The following DDX24 variants were observed in gnomAD, a reference collection of about 807,000 sequenced individuals.
The protein encoded by DDX24 is DEAD-box helicase 24.
A neutral mutation model predicts 68.9 loss-of-function variants in DDX24; 24 were observed. That is an observed-to-expected ratio of 0.35 (90% CI 0.25 to 0.49). The LOEUF (loss-of-function observed/expected upper bound fraction) is 0.49. Among genes scored for constraint, DDX24 ranks in the 20% least tolerant of loss-of-function variants. The pLI is 0.99. For synonymous variants in DDX24, 395 were observed against 385.2 expected (o/e 1.03, Z -0.30); for missense variants, 989 against 1,039.0 (o/e 0.95, Z 0.66).
intron 1 of DDX24, among the ~76,000 whole-genome samples, chr14:94,080,718 A>C (rs55984415): frequency 0.18 from 27,346 of 151,858 alleles, 2,756 homozygotes; most frequent in East Asian, 0.34. Flanking sequence ...AACAAACAAA[A>C]AAAAACACAA....
intron 2 of DDX24, among the ~76,000 whole-genome samples, chr14:94,069,782 G>GA (rs1885791697): frequency 6.6e-6 from 1 of 152,138 alleles, no homozygotes; most frequent in Non-Finnish European, 1.5e-5. Context: ...AATAGATGGA[G>GA]AAAAAGCATT....
At chr14:94,073,397 C>T (rs1885872797) in intron 2 of DDX24, among the ~76,000 whole-genome samples, 1 of 152,110 alleles carries the variant, frequency 6.6e-6, no homozygotes. Context: ...AATAATTCAA[C>T]TCAAAGACAC....
chr14:94,051,187 C>CCACGG lies in DDX24; in HGVS notation c.*3_*4insCCGTG, dbSNP rs112814907. On this transcript the variant is annotated 3_prime_UTR_variant, in exon 9 of 9. Coordinates refer to ENST00000621632, the MANE Select transcript of DDX24 (RefSeq NM_020414.4). ...AATGTGCAGTCACTGACACACTTGACCAGTTAATTTGCACTTGTACTTGGC... is the reference window on the plus strand; with the variant it reads ...AATGTGCAGTCACTGACACACTTGACCACGGCAGTTAATTTGCACTTGTACTTGGC... 506,060 of 1,526,658 alleles carry CCACGG rather than the reference C, an allele frequency of 0.33. 84,958 individuals carry two copies. The highest frequency in any genetic ancestry group is 0.41 in the Admixed American group (19,011 of 46,252). 94.6% of individuals were successfully genotyped at this position (1,526,658 alleles called of 1,614,324 possible). A position where few individuals can be genotyped will look rare whatever the true frequency, so the allele number is the denominator to read the frequency against.
intron 2 of DDX24, among the ~76,000 whole-genome samples, chr14:94,068,527 A>C (rs1280336969): frequency 6.6e-6 from 1 of 152,228 alleles, no homozygotes; most frequent in Non-Finnish European, 1.5e-5. Flanking sequence ...ACAGATATAT[A>C]CAGAACATTT....
chr14:94,070,014 G>C (rs1411178774), intron 2 of DDX24, among the ~76,000 whole-genome samples: 1 of 152,072 alleles, frequency 6.6e-6, no homozygotes, highest in Non-Finnish European at 1.5e-5. Flanking sequence ...CCTAGCCAGA[G>C]CAATAAGACA....
intron 2 of DDX24, among the ~76,000 whole-genome samples, chr14:94,073,876 T>C (rs930893608): frequency 1.3e-4 from 20 of 151,792 alleles, no homozygotes; most frequent in African/African-American, 4.8e-4. Context: ...ACCCTGTCTC[T>C]ACTAAAAATA....
In DDX24 at chr14:94,053,811, T is replaced by C. The variant is rs563678445; in HGVS notation, c.2179-684A>G. 7.9e-5 allele frequency among the ~76,000 whole-genome samples: 12 copies of C among 151,940 alleles called. No individual in the cohort carries two copies. The South Asian group carries it at 2.5e-3, about 32-fold the overall frequency. ...TCTGGGCAACATGAGCAAAGCTCCG[T>C]CTCAAAAAAAAATTAAAAATTAAAA... On this transcript the variant is annotated intron_variant, in intron 7 of 8. Transcript: ENST00000621632.
intron 2 of DDX24, among the ~76,000 whole-genome samples, chr14:94,065,867 C>T (rs1885694970): frequency 6.6e-6 from 1 of 152,342 alleles, no homozygotes; most frequent in African/African-American, 2.4e-5. Flanking sequence ...GGTCCCCAAG[C>T]AGCCCATTCC....
At position 94,060,848 on chromosome 14, in the gene DDX24, C is replaced by T; in HGVS notation, c.1397+65G>A. 1.9e-6 allele frequency: 3 copies of T among 1,591,172 alleles called. No individual in the cohort carries two copies. In the Admixed American group the frequency reaches 5.1e-5, roughly 27 times the overall value. On this transcript the variant is annotated intron_variant, in intron 4 of 8. Coordinates refer to ENST00000621632, the MANE Select transcript of DDX24 (RefSeq NM_020414.4). ...CGATGAGAAGAAGGCATTGCCCACACCATGTCACCTAAGGCTCATTTCAGA... is the reference window on the plus strand; with the variant it reads ...CGATGAGAAGAAGGCATTGCCCACATCATGTCACCTAAGGCTCATTTCAGA...
chr14:94,074,001 C>T (rs1041776003), intron 2 of DDX24, among the ~76,000 whole-genome samples: 7 of 150,466 alleles, frequency 4.7e-5, no homozygotes, highest in African/African-American at 1.7e-4. Flanking sequence ...TGAGATCGCA[C>T]CACTGCACTC....
intron 2 of DDX24, among the ~76,000 whole-genome samples, chr14:94,070,823 C>A (rs1307174111): frequency 6.6e-6 from 1 of 152,196 alleles, no homozygotes; most frequent in Non-Finnish European, 1.5e-5. Flanking sequence ...GAGAATGAAA[C>A]TGGATCCTCA....
Position 94,079,297 on chromosome 14 carries a change from T to C in DDX24, c.446A>G (p.Gln149Arg). Residue 149 changes from glutamine (Q) to arginine (R), a missense_variant, in exon 2 of 9, where the codon CAA (glutamine) becomes CGA (arginine). Gln to Arg is a conservative substitution (Grantham distance 43). Transcript: ENST00000621632. Reference sequence around the variant, plus strand: ...ATTTTTCTTCTTTTTTGGAGCAGTTTGGACCAGGTTTTCTGATGTCATCTC... The same window carrying C: ...ATTTTTCTTCTTTTTTGGAGCAGTTCGGACCAGGTTTTCTGATGTCATCTC... Reference protein sequence around the residue: ...AGEMTSENLVQTAPKKKKNKG... With the variant: ...AGEMTSENLVRTAPKKKKNKG... 4 of 1,614,198 alleles carry C rather than the reference T, an allele frequency of 2.5e-6. No homozygotes were observed. The highest frequency in any genetic ancestry group is 1.3e-5 in the African/African-American group (1 of 75,034).
intron 2 of DDX24, among the ~76,000 whole-genome samples, chr14:94,070,554 C>T (rs1485116074): frequency 6.6e-6 from 1 of 152,112 alleles, no homozygotes; most frequent in Non-Finnish European, 1.5e-5. Context: ...ATAGCCAAAA[C>T]AAGACTAAGC....
rs1231849689 is a variant in DDX24, at chr14:94,062,340, C to T, written c.1000G>A (p.Asp334Asn). 6.2e-7 allele frequency: 1 copy of T among 1,614,238 alleles called. No homozygotes were observed. The highest frequency in any genetic ancestry group is 1.7e-5 in the Admixed American group (1 of 60,034). ...GAAGGCCCTTCACCAGCATCATCGTCACCAAAGAGCAACGCCTGGTCTGAG... is the reference window on the plus strand; with the variant it reads ...GAAGGCCCTTCACCAGCATCATCGTTACCAAAGAGCAACGCCTGGTCTGAG... ...TVSDQALLFG[D>N]DDAGEGPSSL... is the part of the protein sequence containing the mutation. Residue 334 changes from aspartate (D) to asparagine (N), a missense_variant, in exon 3 of 9, where the codon GAC becomes AAC. Around this residue, in one of 3 missense-constraint regions of DDX24, gnomAD observed 691 missense variants for 760.0 expected, o/e 0.91. Transcript: ENST00000621632.
Position 94,060,169 on chromosome 14 carries a change from G to C in DDX24, c.1842C>G (p.Pro614=). The change falls in exon 5 of 9, where the codon CCC becomes CCG. Residue 614 remains proline (P), a synonymous_variant. Transcript: ENST00000621632. Reference sequence around the variant, plus strand: ...GGTGCATACAGGCATGCAGGGTCAAGGGCATGATATCAAGGACTTTGAGGA... The same window carrying C: ...GGTGCATACAGGCATGCAGGGTCAACGGCATGATATCAAGGACTTTGAGGA... ...SGLLKVLDIM[P]LTLHACMHQK... The C allele has an allele frequency of 6.2e-7, 1 of 1,614,222 alleles. No individual in the cohort carries two copies. Among genetic ancestry groups the C allele is most frequent in the Non-Finnish European group, 8.5e-7 (1 of 1,180,042 alleles).
rs185106821 is a variant in DDX24 at position 94,069,620 on chromosome 14, C to G, written c.719-6999G>C. 2.8e-3 allele frequency among the ~76,000 whole-genome samples: 429 copies of G among 152,278 alleles called. 3 individuals carry two copies. The highest frequency in any genetic ancestry group is 9.9e-3 in the African/African-American group (411 of 41,556). ...AGATCCTAAAATCCTTAACAAAATA[C>G]TAGCTAACCAAATCCAACAACATAT... On this transcript the variant is annotated intron_variant, in intron 2 of 8. Transcript: ENST00000621632.
intron 2 of DDX24, among the ~76,000 whole-genome samples, chr14:94,066,164 T>C (rs891157359): frequency 1.3e-5 from 2 of 152,084 alleles, no homozygotes; most frequent in African/African-American, 4.8e-5. Context: ...GAGGACACGG[T>C]GGGAGTAAGA....
chr14:94,057,557 A>G lies in DDX24; in HGVS notation c.1989+265T>C, dbSNP rs1365020862. The G allele has an allele frequency of 3.4e-5, 15 of 441,480 alleles. No individual in the cohort carries two copies. The South Asian group carries it at 5.5e-4, about 16-fold the overall frequency. 27.3% of individuals were successfully genotyped at this position (441,480 alleles called of 1,614,324 possible). A position where few individuals can be genotyped will look rare whatever the true frequency, so the allele number is the denominator to read the frequency against. On this transcript the variant is annotated intron_variant, in intron 6 of 8. Transcript: ENST00000621632. The stretch of plus-strand genomic sequence containing the variant: ...CCAATTACATGCTTAACTTATGCCC[A>G]TTTCACAGAAAAAACTAAGACTCTA...
chr14:94,079,573 T>C lies in DDX24; in HGVS notation c.170A>G (p.Gln57Arg), dbSNP rs368793373. ...GGGATTCTTGGCAGGGGAGACCAACTGGTAATCTGTCAATTCCTCAAAGCA... is the reference window on the plus strand; with the variant it reads ...GGGATTCTTGGCAGGGGAGACCAACCGGTAATCTGTCAATTCCTCAAAGCA... ...LVCFEELTDY[Q>R]LVSPAKNPSS... The change falls in exon 2 of 9, where the codon CAG (glutamine) becomes CGG (arginine). Residue 57 changes from glutamine to arginine, a missense_variant. Gln to Arg is a conservative substitution (Grantham distance 43, BLOSUM62 1). This residue lies in a region of DDX24 where 295 missense variants were observed against 263.0 expected (regional missense o/e 1.12). Coordinates refer to ENST00000621632, the MANE Select transcript of DDX24 (RefSeq NM_020414.4). 5 of 1,614,200 alleles carry C rather than the reference T, an allele frequency of 3.1e-6. No individual in the cohort carries two copies. The highest frequency in any genetic ancestry group is 4.2e-6 in the Non-Finnish European group (5 of 1,180,040).
Sources: gnomAD v4.1 joint callset for allele counts (sites outside exome capture counted in the v4.1 genomes callset) on GRCh38, gnomAD v4.1.1 for gene constraint, gnomAD v4.1.1 regional missense constraint, MANE v1.5 for transcripts, NCBI Gene and HGNC (gene_info 2026-07-23, HGNC 2026-07-21) for gene names.